The following LRRC18 variants were observed in gnomAD, a reference collection of about 807,000 sequenced individuals.
The protein encoded by LRRC18 is leucine rich repeat containing 18.
Under a neutral mutation model 11.2 loss-of-function variants are expected in LRRC18, and 12 were observed. The ratio of observed to expected loss-of-function variants is 1.07; its 90% CI spans 0.69 to 1.74. The LOEUF is 1.74. Ranked by LOEUF, LRRC18 falls within the 40% of genes most tolerant of loss-of-function variation. The probability of loss-of-function intolerance (pLI) is 0.00; values close to 1 mark genes in which losing one functional copy is unlikely to be tolerated. For synonymous variants in LRRC18, 155 were observed against 130.6 expected (o/e 1.19, Z -1.27); for missense variants, 374 against 330.5 (o/e 1.13, Z -1.02).
the LRRC18 span, among the ~76,000 whole-genome samples, chr10:48,929,748 G>T: frequency 3.3e-5 from 5 of 152,142 alleles, no homozygotes; most frequent in Non-Finnish European, 1.5e-5. Flanking sequence ...AACCCTGTCT[G>T]TCCCAAGCCC....
At chr10:48,937,822 A>G in the LRRC18 span, among the ~76,000 whole-genome samples, 3 of 152,210 alleles carry the variant, frequency 2.0e-5, no homozygotes, top group Non-Finnish European at 4.4e-5. Context: ...TTTAAAAAGT[A>G]GAGTCCAGGT....
the LRRC18 span, among the ~76,000 whole-genome samples, chr10:48,928,353 C>CGTGTGTGTGT: frequency 0.065 from 8,068 of 124,864 alleles, 400 homozygotes; most frequent in Admixed American, 0.13. Flanking sequence ...TTGGTTTTGA[C>CGTGTGTGTGT]GTGTGTGTGT....
exon 1 of LRRC18, chr10:48,913,565 G>A: frequency 6.2e-7 from 1 of 1,614,002 alleles, no homozygotes; most frequent in South Asian, 1.1e-5. Context: ...CAACATACAA[G>A]TTCTCCAGCC....
At chr10:48,920,124 A>T in the LRRC18 span, among the ~76,000 whole-genome samples, 1 of 69,092 alleles carries the variant, frequency 1.4e-5, no homozygotes, top group South Asian at 3.7e-4. Context: ...GACTAAAAAG[A>T]AAAAAAAAAG....
upstream of LRRC18, among the ~76,000 whole-genome samples, chr10:48,916,161 C>G (rs537647357): frequency 1.3e-5 from 2 of 152,316 alleles, no homozygotes; most frequent in South Asian, 4.1e-4. Context: ...AAAGACCAAT[C>G]TGGCCACAAG....
At chr10:48,935,100 A>C in the LRRC18 span, 1 of 152,280 alleles carries the variant, frequency 6.6e-6, no homozygotes, top group Non-Finnish European at 1.5e-5. Flanking sequence ...AAAGAGAAAA[A>C]GTAGAGATCC....
At chr10:48,928,290 A>G in the LRRC18 span, among the ~76,000 whole-genome samples, 1 of 151,798 alleles carries the variant, frequency 6.6e-6, no homozygotes, top group Non-Finnish European at 1.5e-5. Context: ...AGAGGATGTA[A>G]AAGTGGCTGC....
chr10:48,911,395 C>T (rs1471224678), intron 1 of LRRC18, among the ~76,000 whole-genome samples: 1 of 152,038 alleles, frequency 6.6e-6, no homozygotes, highest in Admixed American at 6.5e-5. Flanking sequence ...TAAAAGACAC[C>T]CTTTAACACA....
At chr10:48,929,845 G>T in the LRRC18 span, among the ~76,000 whole-genome samples, 1 of 152,236 alleles carries the variant, frequency 6.6e-6, no homozygotes, top group East Asian at 1.9e-4. Context: ...CCAAACTGTG[G>T]CATCAGACTT....
At chr10:48,925,354 T>A in the LRRC18 span, among the ~76,000 whole-genome samples, 1 of 152,096 alleles carries the variant, frequency 6.6e-6, no homozygotes, top group Non-Finnish European at 1.5e-5. Flanking sequence ...ACTGTCATAG[T>A]GGGTCCTGTG....
chr10:48,920,536 A>G, the LRRC18 span, among the ~76,000 whole-genome samples: 2 of 152,210 alleles, frequency 1.3e-5, no homozygotes, highest in Non-Finnish European at 2.9e-5. Context: ...TTGAAAAAAA[A>G]GAAAAAAAAA....
chr10:48,933,416 G>T, the LRRC18 span, among the ~76,000 whole-genome samples: 1 of 152,210 alleles, frequency 6.6e-6, no homozygotes, highest in African/African-American at 2.4e-5. Context: ...GGACTTAGCT[G>T]CCATCTGGCT....
the LRRC18 span, among the ~76,000 whole-genome samples, chr10:48,933,362 C>T: frequency 6.6e-6 from 1 of 152,248 alleles, no homozygotes. Flanking sequence ...GTCAAAGGCG[C>T]ATGCCTCGAC....
the LRRC18 span, among the ~76,000 whole-genome samples, chr10:48,920,144 T>A: frequency 6.6e-6 from 1 of 152,140 alleles, no homozygotes; most frequent in African/African-American, 2.4e-5. Flanking sequence ...GATCTTATAA[T>A]TGATGCAGAA....
upstream of LRRC18, among the ~76,000 whole-genome samples, chr10:48,916,826 GAC>G (rs199765342): frequency 0.21 from 17,715 of 83,332 alleles, 2,661 homozygotes; most frequent in African/African-American, 0.4. Flanking sequence ...ACCTACTACA[GAC>G]CCCTAGGTGC....
the LRRC18 span, among the ~76,000 whole-genome samples, chr10:48,926,702 A>G: frequency 1.3e-5 from 2 of 152,224 alleles, no homozygotes; most frequent in Non-Finnish European, 2.9e-5. Context: ...ATATATACAA[A>G]TAGTATGAAT....
At chr10:48,925,772 G>A in the LRRC18 span, among the ~76,000 whole-genome samples, 3 of 152,052 alleles carry the variant, frequency 2.0e-5, no homozygotes, top group Non-Finnish European at 2.9e-5. Context: ...ACAGTTTGGG[G>A]GGATTTCTGA....
intron 1 of LRRC18, among the ~76,000 whole-genome samples, chr10:48,912,575 C>T (rs1838103892): frequency 6.6e-6 from 1 of 152,228 alleles, no homozygotes; most frequent in African/African-American, 2.4e-5. Flanking sequence ...CCAGCTTGCA[C>T]CAGGCAAGCC....
rs375386941 is a variant in LRRC18, at chr10:48,910,148, A to G, written c.*89T>C. 3.4e-4 allele frequency: 418 copies of G among 1,245,886 alleles called. 4 individuals carry two copies. The African/African-American group carries it at 5.1e-3, about 15-fold the overall frequency. 77.2% of individuals were successfully genotyped at this position (1,245,886 alleles called of 1,614,324 possible). On this transcript the variant is annotated 3_prime_UTR_variant, in exon 2 of 2. Coordinates refer to ENST00000374160, the Ensembl canonical transcript of LRRC18. ...TGGTTTCCAGAACATCTCACTTGCCACTCTGTCTTCTCCTAACTGGGGGCT... is the reference window on the plus strand; with the variant it reads ...TGGTTTCCAGAACATCTCACTTGCCGCTCTGTCTTCTCCTAACTGGGGGCT...
Sources: gnomAD v4.1 joint callset for allele counts (sites outside exome capture counted in the v4.1 genomes callset) on GRCh38, gnomAD v4.1.1 for gene constraint, MANE v1.5 for transcripts, NCBI Gene and HGNC (gene_info 2026-07-23, HGNC 2026-07-21) for gene names.